The following FAM168B variants were observed in gnomAD, a reference collection of about 807,000 sequenced individuals.
FAM168B encodes myelin-associated neurite-outgrowth inhibitor.
A neutral mutation model predicts 21.8 loss-of-function variants in FAM168B; 19 were observed. That is an observed-to-expected ratio of 0.87 (90% CI 0.61 to 1.28). FAM168B has a LOEUF of 1.28. Ranked by LOEUF, FAM168B falls within the 50% of genes most tolerant of loss-of-function variation. FAM168B has a pLI of 0.00. For missense variants in FAM168B, 233 were observed against 263.1 expected, an observed-to-expected ratio of 0.89 and a Z score of 0.79; for synonymous variants, 126 against 104.8, an observed-to-expected ratio of 1.20 and a Z score of -1.24.
intron 2 of FAM168B, 72 bp downstream of exon 2, chr2:131,082,505 G>A: frequency 9.7e-7 from 1 of 1,028,298 alleles, no homozygotes; most frequent in Non-Finnish European, 1.4e-6. Context: ...TCAATAGAAA[G>A]CATTCTTAGT....
At chr2:131,077,926 T>C (rs1693241946) in intron 2 of FAM168B, among the ~76,000 whole-genome samples, 2 of 152,178 alleles carry the variant, frequency 1.3e-5, no homozygotes, top group Non-Finnish European at 2.9e-5. Context: ...GTGCAGAGCA[T>C]GTCAGGCTTA....
In FAM168B at chr2:131,055,600, C is replaced by G; in HGVS notation, c.250G>C (p.Val84Leu). 1 of 1,610,366 alleles carries G rather than the reference C, an allele frequency of 6.2e-7. No individual in the cohort carries two copies. Among genetic ancestry groups the G allele is most frequent in the Non-Finnish European group, 8.5e-7 (1 of 1,178,252 alleles). Residue 84 changes from valine (V) to leucine (L), a missense_variant, in exon 4 of 7, where the codon GTG becomes CTG. By Grantham distance (32) the Val-to-Leu change is conservative (BLOSUM62 1). Transcript: ENST00000389915. ...GGGTAGGCACTTCGCACAGGGTACACGGCAGTCTGGTAGGGGTTCGGGGAG... is the reference window on the plus strand; with the variant it reads ...GGGTAGGCACTTCGCACAGGGTACAGGGCAGTCTGGTAGGGGTTCGGGGAG... ...SSSPNPYQTAVYPVRSAYPQQ... is the reference protein window; with the variant it reads ...SSSPNPYQTALYPVRSAYPQQ...
intron 3 of FAM168B, among the ~76,000 whole-genome samples, chr2:131,065,027 G>A (rs900468047): frequency 1.3e-5 from 2 of 152,202 alleles, no homozygotes; most frequent in East Asian, 1.9e-4. Flanking sequence ...CAGGATCGCC[G>A]CACAGAAGAC....
intron 5 of FAM168B, among the ~76,000 whole-genome samples, chr2:131,053,600 G>A (rs1691827595): frequency 6.6e-6 from 1 of 152,200 alleles, no homozygotes; most frequent in Non-Finnish European, 1.5e-5. Flanking sequence ...AGATGGGCTG[G>A]GCACAGGGGC....
At chr2:131,086,243 A>C (rs991145721) in intron 1 of FAM168B, among the ~76,000 whole-genome samples, 1 of 152,176 alleles carries the variant, frequency 6.6e-6, no homozygotes, top group South Asian at 2.1e-4. Flanking sequence ...CCCAAATGTT[A>C]TTTCTTTCTT....
chr2:131,081,971 A>C lies in FAM168B; in HGVS notation c.70+606T>G, dbSNP rs187018907. Among the ~76,000 whole-genome samples the C allele has an allele frequency of 3.0e-3, 456 of 152,064 alleles. 7 individuals are homozygous for C. Among genetic ancestry groups the C allele is most frequent in the Non-Finnish European group, 1.9e-3 (126 of 67,978 alleles). On this transcript the variant is annotated intron_variant, in intron 2 of 6. Transcript: ENST00000389915. The stretch of plus-strand genomic sequence containing the variant: ...TGAAACTGTATCATTATAAATAACT[A>C]CTCCTTGTGCAAAGTCACCGAAGGG...
Position 131,050,810 on chromosome 2 carries a change from C to T in FAM168B, c.*1655G>A. 1 of 985,454 alleles carries T rather than the reference C, an allele frequency of 1.0e-6. No individual in the cohort carries two copies. The highest frequency in any genetic ancestry group is 1.2e-6 in the Non-Finnish European group (1 of 829,988). 61.0% of individuals were successfully genotyped at this position (985,454 alleles called of 1,614,324 possible). A position where few individuals can be genotyped will look rare whatever the true frequency, so the allele number is the denominator to read the frequency against. On this transcript the variant is annotated 3_prime_UTR_variant, in exon 7 of 7. Transcript: ENST00000389915. ...CCAGCTACCAGCAAATGAAGAGGAG[C>T]AGAGCCCCCTCCCCACCAGAGCCCA...
At chr2:131,091,054 C>G (rs1012308806) in intron 1 of FAM168B, among the ~76,000 whole-genome samples, 2 of 152,200 alleles carry the variant, frequency 1.3e-5, no homozygotes, top group African/African-American at 4.8e-5. Flanking sequence ...AAAAAAGAAG[C>G]TGGATACGGT....
chr2:131,093,001 G>T (rs1222398845), intron 1 of FAM168B, among the ~76,000 whole-genome samples: 2 of 151,604 alleles, frequency 1.3e-5, no homozygotes, highest in Admixed American at 6.6e-5. Flanking sequence ...GGCCCGCGCC[G>T]CCCGGACCGC....
At chr2:131,062,069 C>A (rs1190937948) in intron 3 of FAM168B, among the ~76,000 whole-genome samples, 2 of 152,156 alleles carry the variant, frequency 1.3e-5, no homozygotes, top group African/African-American at 4.8e-5. Context: ...AAGCAATAAA[C>A]CCACGACCCA....
intron 3 of FAM168B, among the ~76,000 whole-genome samples, chr2:131,064,579 G>A (rs1353600879): frequency 6.6e-6 from 1 of 152,248 alleles, no homozygotes; most frequent in Non-Finnish European, 1.5e-5. Flanking sequence ...AACCATCAAC[G>A]AAGTGTGCGT....
At chr2:131,077,947 G>A (rs1693242657) in intron 2 of FAM168B, among the ~76,000 whole-genome samples, 1 of 152,190 alleles carries the variant, frequency 6.6e-6, no homozygotes, top group African/African-American at 2.4e-5. Context: ...TGGAAACCCT[G>A]CGCTCCAGAA....
chr2:131,061,685 G>A (rs1692302041), intron 3 of FAM168B, among the ~76,000 whole-genome samples: 1 of 152,112 alleles, frequency 6.6e-6, no homozygotes, highest in African/African-American at 2.4e-5. Context: ...GGGAAGCTGA[G>A]GTGGGAGAAT....
rs1311101454 is a variant in FAM168B, at chr2:131,086,997, C to T, written c.-11-4340G>A. 4.9e-5 allele frequency among the ~76,000 whole-genome samples: 4 copies of T among 82,094 alleles called. 1 individual carries two copies. Among genetic ancestry groups the T allele is most frequent in the African/African-American group, 3.0e-4 (3 of 10,150 alleles). The allele number at this position is 82,094 out of a possible 152,430, so 53.9% of individuals were successfully genotyped here. A position where few individuals can be genotyped will look rare whatever the true frequency, so the allele number is the denominator to read the frequency against. On this transcript the variant is annotated intron_variant, in intron 1 of 6. Coordinates refer to ENST00000389915, the MANE Select transcript of FAM168B (RefSeq NM_001009993.4). ...GGAGAATGGTGTGAACCCCAGGGGGCGGAGCCTGCAGTGAGCCGAGATTGC... is the reference window on the plus strand; with the variant it reads ...GGAGAATGGTGTGAACCCCAGGGGGTGGAGCCTGCAGTGAGCCGAGATTGC...
chr2:131,054,571 CAAG>C (rs988780647), intron 5 of FAM168B, among the ~76,000 whole-genome samples: 4 of 152,188 alleles, frequency 2.6e-5, no homozygotes, highest in African/African-American at 4.8e-5. Context: ...TCCAGAAAAA[CAAG>C]GAGGGAACAG....
At chr2:131,089,157 G>A (rs1252653037) in intron 1 of FAM168B, among the ~76,000 whole-genome samples, 2 of 151,844 alleles carry the variant, frequency 1.3e-5, no homozygotes, top group African/African-American at 4.8e-5. Flanking sequence ...GTAGAGACGG[G>A]GTTTCTCCAC....
intron 1 of FAM168B, among the ~76,000 whole-genome samples, chr2:131,086,744 T>C (rs1224508231): frequency 6.6e-6 from 1 of 152,202 alleles, no homozygotes; most frequent in Non-Finnish European, 1.5e-5. Context: ...ATGAATACTT[T>C]CTGATACAAG....
intron 1 of FAM168B, among the ~76,000 whole-genome samples, chr2:131,091,059 T>C (rs7568668): frequency 0.22 from 33,946 of 152,188 alleles, 5,608 homozygotes; most frequent in African/African-American, 0.47. Context: ...AGAAGCTGGA[T>C]ACGGTGGCTC....
chr2:131,055,869 A>C (rs10167343), intron 3 of FAM168B, among the ~76,000 whole-genome samples, 174 bp from the exon 4 acceptor site: 4 of 152,206 alleles, frequency 2.6e-5, no homozygotes, highest in African/African-American at 9.7e-5. Flanking sequence ...TACTTTGTGT[A>C]CGTGTGTGCA....
Sources: allele counts gnomAD v4.1 joint callset (sites outside exome capture counted in the v4.1 genomes callset), GRCh38; gene constraint gnomAD v4.1.1; transcripts MANE v1.5; gene names NCBI Gene and HGNC (gene_info 2026-07-23, HGNC 2026-07-21).